FKBP5: variants seen among roughly 807,000 people sequenced by gnomAD.
FKBP5 encodes peptidyl-prolyl cis-trans isomerase FKBP5.
In FKBP5, 23 loss-of-function variants were observed where a neutral mutation model predicts 50.5. The ratio of observed to expected loss-of-function variants is 0.46; its 90% confidence interval spans 0.33 to 0.65. The LOEUF (loss-of-function observed/expected upper bound fraction) is 0.65. Among genes scored for constraint, FKBP5 ranks in the 30% least tolerant of loss-of-function variants. FKBP5 has a pLI of 0.02. For synonymous variants in FKBP5, 176 were observed against 190.6 expected (o/e 0.92, Z 0.63); for missense variants, 411 against 553.1 (o/e 0.74, Z 2.58).
chr6:35,637,899 TA>T (rs1314041479), intron 2 of FKBP5, among the ~76,000 whole-genome samples: 1 of 152,206 alleles, frequency 6.6e-6, no homozygotes, highest in Non-Finnish European at 1.5e-5. Flanking sequence ...CCTCCTTTGC[TA>T]AAAACATTAG....
chr6:35,656,126 C>T (rs1404069481), intron 1 of FKBP5, among the ~76,000 whole-genome samples: 3 of 152,298 alleles, frequency 2.0e-5, no homozygotes, highest in Middle Eastern at 3.4e-3. Flanking sequence ...TAAATTGTTT[C>T]CCAAAGTCCA....
intron 2 of FKBP5, among the ~76,000 whole-genome samples, chr6:35,701,996 C>T (rs542597233): frequency 1.1e-4 from 16 of 151,986 alleles, no homozygotes; most frequent in East Asian, 3.9e-4. Flanking sequence ...TACAAGTGTG[C>T]GCCACCACAC....
At chr6:35,668,376 C>A (rs1355676791) in intron 1 of FKBP5, among the ~76,000 whole-genome samples, 1 of 152,230 alleles carries the variant, frequency 6.6e-6, no homozygotes, top group Non-Finnish European at 1.5e-5. Context: ...GCTACCACAA[C>A]AGTTCAGGGG....
intron 3 of FKBP5, among the ~76,000 whole-genome samples, chr6:35,631,480 T>C (rs1764150523): frequency 6.6e-6 from 1 of 152,188 alleles, no homozygotes; most frequent in Non-Finnish European, 1.5e-5. Context: ...AAGAAATTGT[T>C]TTATATTTTG....
At position 35,649,475 on chromosome 6, in the gene FKBP5, A is replaced by T. The variant is rs1764728294; in HGVS notation, c.-19-6632T>A. Among the ~76,000 whole-genome samples the T allele has an allele frequency of 4.0e-5, 6 of 151,000 alleles. No homozygotes were observed. In the South Asian group the frequency reaches 1.3e-3, roughly 32 times the overall value. ...AAAAAAAATGCCTCGACCTTCTGGG[A>T]GGTGGCATTTTGTGTAACCTCTAGC... On this transcript the variant is annotated intron_variant, in intron 1 of 10. Transcript: ENST00000357266.
chr6:35,644,527 G>C (rs1021001957), intron 1 of FKBP5, among the ~76,000 whole-genome samples: 1 of 152,148 alleles, frequency 6.6e-6, no homozygotes, highest in Admixed American at 6.5e-5. Flanking sequence ...CTTCAAATGA[G>C]AACACCAAAA....
intron 2 of FKBP5, among the ~76,000 whole-genome samples, chr6:35,707,919 A>G (rs9380529): frequency 0.6 from 91,715 of 152,162 alleles, 29,302 homozygotes; most frequent in African/African-American, 0.82. Context: ...AGAAAAATGT[A>G]AACAAAGACC....
intron 1 of FKBP5, among the ~76,000 whole-genome samples, chr6:35,655,769 C>T (rs906437876): frequency 6.6e-6 from 1 of 152,188 alleles, no homozygotes; most frequent in South Asian, 2.1e-4. Flanking sequence ...TGGAAAATTA[C>T]ACTGTACCTG....
chr6:35,585,002 T>C lies in FKBP5; in HGVS notation c.840+2032A>G. On this transcript the variant is annotated intron_variant, in intron 8 of 10. Coordinates refer to ENST00000357266, the MANE Select transcript of FKBP5 (RefSeq NM_004117.4). ...TCTGTATATATTCAGAACACAGCTA[T>C]ATGACAGATGGCTTCATAACATTAT... 4 of 985,464 alleles carry C rather than the reference T, an allele frequency of 4.1e-6. No homozygotes were observed. The South Asian group carries it at 1.9e-4, about 46-fold the overall frequency. The allele number at this position is 985,464 out of a possible 1,614,324, so 61.0% of individuals were successfully genotyped here.
intron 1 of FKBP5, among the ~76,000 whole-genome samples, chr6:35,649,808 A>T (rs6912833): frequency 0.77 from 116,632 of 152,158 alleles, 45,119 homozygotes; most frequent in African/African-American, 0.88. Flanking sequence ...AGCATGGATC[A>T]GTTCATCAAC....
At chr6:35,637,526 C>T (rs930311664) in intron 2 of FKBP5, among the ~76,000 whole-genome samples, 4 of 145,028 alleles carry the variant, frequency 2.8e-5, no homozygotes, top group African/African-American at 7.7e-5. Context: ...TGCAATGGCA[C>T]GATCTCGGCT....
chr6:35,610,567 CAA>C (rs35101873), intron 5 of FKBP5, among the ~76,000 whole-genome samples: 16 of 58,612 alleles, frequency 2.7e-4, no homozygotes, highest in Admixed American at 1.8e-3. Flanking sequence ...GACTCCGTCT[CAA>C]AAAAAAAAAA....
chr6:35,648,127 GT>G (rs1764680554), intron 1 of FKBP5, among the ~76,000 whole-genome samples: 8 of 152,170 alleles, frequency 5.3e-5, no homozygotes, highest in Non-Finnish European at 1.2e-4. Context: ...TGGGGCCAGG[GT>G]AATGGTGTTT....
At chr6:35,591,090 GA>G (rs1264593742) in intron 7 of FKBP5, 39 bp downstream of exon 7, 1 of 1,343,836 alleles carries the variant, frequency 7.4e-7, no homozygotes, top group Non-Finnish European at 1.1e-6. Context: ...GGATGGAGAA[GA>G]AACCTACCAT....
At chr6:35,612,582 T>C (rs939737195) in intron 5 of FKBP5, among the ~76,000 whole-genome samples, 1 of 152,202 alleles carries the variant, frequency 6.6e-6, no homozygotes, top group African/African-American at 2.4e-5. Context: ...GACTGGGTAA[T>C]TTATAAAGAA....
At chr6:35,590,934 G>A (rs551503061) in intron 7 of FKBP5, among the ~76,000 whole-genome samples, 196 bp downstream of exon 7, 10 of 150,436 alleles carry the variant, frequency 6.6e-5, no homozygotes, top group Non-Finnish European at 1.2e-4. Flanking sequence ...ATAAGAACAC[G>A]GAGCTCCTTC....
intron 6 of FKBP5, among the ~76,000 whole-genome samples, chr6:35,595,038 T>C (rs1452111396): frequency 2.6e-5 from 4 of 152,162 alleles, no homozygotes; most frequent in Admixed American, 6.5e-5. Flanking sequence ...GTGTGCCCTA[T>C]ATGTGCAGGA....
chr6:35,621,929 A>C (rs1763857713), intron 3 of FKBP5, among the ~76,000 whole-genome samples: 1 of 152,128 alleles, frequency 6.6e-6, no homozygotes, highest in African/African-American at 2.4e-5. Context: ...CAGTGAGCTG[A>C]GATCATGCCA....
intron 5 of FKBP5, among the ~76,000 whole-genome samples, chr6:35,617,458 A>G (rs1763695178): frequency 6.6e-6 from 1 of 152,066 alleles, no homozygotes; most frequent in South Asian, 2.1e-4. Flanking sequence ...CCTCCCAAGT[A>G]GCTGGGACTA....
Sources: gnomAD v4.1 joint callset for allele counts (sites outside exome capture counted in the v4.1 genomes callset) on GRCh38, gnomAD v4.1.1 for gene constraint, MANE v1.5 for transcripts, NCBI Gene and HGNC (gene_info 2026-07-23, HGNC 2026-07-21) for gene names.